The following CHODL variants were observed in gnomAD, a reference collection of about 807,000 sequenced individuals.
CHODL encodes transmembrane protein MT75.
CHODL carries 29 observed loss-of-function variants against 34.5 expected under a neutral mutation model. That is an observed-to-expected ratio of 0.84 (90% CI 0.63 to 1.15). The LOEUF is 1.15. Ranked by LOEUF, CHODL falls within the 50% of genes most tolerant of loss-of-function variation. The pLI is 0.00. For missense variants in CHODL, 332 were observed against 332.5 expected (o/e 1.00, Z 0.01); for synonymous variants, 125 against 116.1 (o/e 1.08, Z -0.49).
At chr21:18,195,190 G>A (rs2073571435) in intron 2 of CHODL, among the ~76,000 whole-genome samples, 1 of 151,932 alleles carries the variant, frequency 6.6e-6, no homozygotes, top group Admixed American at 6.6e-5. Context: ...GAGTAGCTGG[G>A]ACTACAGGTG....
At chr21:18,016,704 C>T (rs13047627) in intron 1 of CHODL, among the ~76,000 whole-genome samples, 44,059 of 152,100 alleles carry the variant, frequency 0.29, 6,725 homozygotes, top group South Asian at 0.42. Context: ...ATGGTAGATC[C>T]ACTGACAGCT....
At chr21:18,171,221 A>C (rs2073225930) in intron 2 of CHODL, among the ~76,000 whole-genome samples, 1 of 326 alleles carries the variant, frequency 3.1e-3, no homozygotes. Flanking sequence ...TTTTTTTGAG[A>C]CGGAGTCTCG....
intron 2 of CHODL, among the ~76,000 whole-genome samples, chr21:18,107,840 T>C (rs2065292388): frequency 6.6e-6 from 1 of 152,194 alleles, no homozygotes; most frequent in Non-Finnish European, 1.5e-5. Flanking sequence ...GTACAATGAC[T>C]ATGTGTGTGG....
At chr21:18,045,691 C>T (rs1192757301) in intron 2 of CHODL, among the ~76,000 whole-genome samples, 2 of 151,918 alleles carry the variant, frequency 1.3e-5, no homozygotes, top group East Asian at 3.9e-4. Context: ...AAACTGAATC[C>T]CCAATGCATC....
intron 2 of CHODL, among the ~76,000 whole-genome samples, chr21:18,038,585 T>C (rs887633976): frequency 4.0e-5 from 6 of 151,778 alleles, no homozygotes; most frequent in African/African-American, 1.4e-4. Flanking sequence ...TATGCTTTAT[T>C]ATTGAAACTA....
In CHODL at chr21:18,260,238, A is replaced by G; in HGVS notation, c.586A>G (p.Thr196Ala). The change falls in exon 4 of 6, where the codon ACA becomes GCA. Residue 196 changes from threonine (T) to alanine (A), a missense_variant. Coordinates refer to ENST00000299295, the MANE Select transcript of CHODL (RefSeq NM_024944.3). ...PTAPVEKPYL[T>A]NQPGDTHQNV... is the part of the protein sequence containing the mutation. The stretch of plus-strand genomic sequence containing the variant: ...AGCCCCTGTAGAAAAGCCTTATCTT[A>G]CAAATCAACCAGGAGACACCCATCA... The G allele has an allele frequency of 1.9e-6, 3 of 1,582,636 alleles. No individual in the cohort carries two copies. The highest frequency in any genetic ancestry group is 1.2e-5 in the South Asian group (1 of 84,634).
intron 2 of CHODL, among the ~76,000 whole-genome samples, chr21:18,222,107 G>A (rs549191156): frequency 4.1e-4 from 63 of 152,314 alleles, no homozygotes; most frequent in African/African-American, 1.4e-3. Context: ...CAGTGCTGGA[G>A]GGAGGTAGGT....
intron 1 of CHODL, among the ~76,000 whole-genome samples, chr21:18,250,683 A>G (rs1352410557): frequency 6.6e-5 from 10 of 151,968 alleles, no homozygotes; most frequent in Admixed American, 6.6e-4. Flanking sequence ...CACTGGTATC[A>G]CAGTCCTTGC....
At chr21:17,979,106 T>C (rs2063694446) in intron 1 of CHODL, among the ~76,000 whole-genome samples, 2 of 152,202 alleles carry the variant, frequency 1.3e-5, no homozygotes, top group South Asian at 4.1e-4. Flanking sequence ...TTCTTTCTTA[T>C]TTAAGGTCCA....
intron 2 of CHODL, among the ~76,000 whole-genome samples, chr21:18,108,727 GA>G (rs1429675852): frequency 1.3e-5 from 2 of 152,028 alleles, no homozygotes; most frequent in African/African-American, 4.8e-5. Context: ...CTAGATAATA[GA>G]AAAAGAATTA....
At chr21:18,044,684 GATT>G (rs1334787927) in intron 2 of CHODL, among the ~76,000 whole-genome samples, 2 of 151,762 alleles carry the variant, frequency 1.3e-5, no homozygotes, top group Non-Finnish European at 2.9e-5. Flanking sequence ...CAATATAGTT[GATT>G]ATATACTCTT....
chr21:18,232,801 T>G (rs1431132758), intron 2 of CHODL, among the ~76,000 whole-genome samples: 3 of 151,756 alleles, frequency 2.0e-5, no homozygotes. Context: ...TCTTACTAGT[T>G]CTGTAGCACA....
chr21:18,144,050 T>C (rs1298139710), intron 2 of CHODL, among the ~76,000 whole-genome samples: 1 of 152,058 alleles, frequency 6.6e-6, no homozygotes, highest in Non-Finnish European at 1.5e-5. Context: ...CCAGATTAAT[T>C]TGAAAGCTAT....
rs1408851177 is a variant in CHODL at position 18,019,470 on chromosome 21, AATTCAGTTGT to A, written c.-144-8401_-144-8392del. 2.0e-5 allele frequency among the ~76,000 whole-genome samples: 3 copies of A among 152,298 alleles called. No homozygotes were observed. In the East Asian group the frequency reaches 5.8e-4, roughly 29 times the overall value. On this transcript the variant is annotated intron_variant, in intron 1 of 6. Coordinates refer to the CHODL transcript ENST00000400127. The stretch of plus-strand genomic sequence containing the variant: ...TACATTTTAAAATAATTAAGAGTAT[AATTCAGTTGT>A]TTGTAATACAAAGAAAGGATAAATG...
chr21:17,937,347 G>A (rs1168879276), intron 1 of CHODL, among the ~76,000 whole-genome samples: 3 of 152,162 alleles, frequency 2.0e-5, no homozygotes, highest in Non-Finnish European at 4.4e-5. Flanking sequence ...CCCGTTTGAA[G>A]TTAGACTGTA....
intron 2 of CHODL, among the ~76,000 whole-genome samples, chr21:18,072,479 G>A (rs158023): frequency 0.38 from 57,434 of 151,882 alleles, 12,480 homozygotes; most frequent in East Asian, 0.95. Context: ...GATTTAAGAC[G>A]GGAATTTAGG....
intron 1 of CHODL, among the ~76,000 whole-genome samples, chr21:18,010,048 A>T (rs2063999328): frequency 6.8e-6 from 1 of 147,060 alleles, no homozygotes; most frequent in Non-Finnish European, 1.5e-5. Flanking sequence ...AATTAGAATT[A>T]TTAAAAAGAA....
At position 17,926,375 on chromosome 21, in the gene CHODL, GGTTT is replaced by G. The variant is rs869090774; in HGVS notation, c.-145+8976_-145+8979del. Among the ~76,000 whole-genome samples the G allele has an allele frequency of 5.7e-3, 343 of 60,558 alleles. 3 individuals carry two copies. The highest frequency in any genetic ancestry group is 0.014 in the African/African-American group (324 of 23,360). 39.7% of individuals were successfully genotyped at this position (60,558 alleles called of 152,430 possible). On this transcript the variant is annotated intron_variant, in intron 1 of 6. Transcript: ENST00000400127. ...CTGAGGGTAACAAATAAATAAGGTG[GGTTT>G]TTTTTTTTTTTTTCCTGAAGTGTAT...
intron 1 of CHODL, among the ~76,000 whole-genome samples, chr21:17,993,452 A>G (rs1008003838): frequency 3.3e-5 from 5 of 152,128 alleles, no homozygotes; most frequent in African/African-American, 7.2e-5. Flanking sequence ...TCTCACTTGT[A>G]AGTGAGGACA....
Sources: allele counts gnomAD v4.1 joint callset (sites outside exome capture counted in the v4.1 genomes callset), GRCh38; gene constraint gnomAD v4.1.1; transcripts MANE v1.5; gene names NCBI Gene and HGNC (gene_info 2026-07-23, HGNC 2026-07-21).